POLR1B: variants seen among roughly 807,000 people sequenced by gnomAD.
POLR1B encodes DNA-directed RNA polymerase I subunit RPA2.
In POLR1B, 30 loss-of-function variants were observed where a neutral mutation model predicts 105.8. The ratio of observed to expected loss-of-function variants is 0.28; its 90% CI spans 0.21 to 0.38. POLR1B has a LOEUF of 0.38. Ranked by LOEUF, POLR1B falls within the 10% of genes least tolerant of loss-of-function variation. POLR1B has a pLI of 1.00. For missense variants in POLR1B, 976 were observed against 1,435.8 expected (o/e 0.68, Z 5.17); for synonymous variants, 485 against 505.1 (o/e 0.96, Z 0.53).
chr2:112,558,917 C>A (rs1018836517), intron 8 of POLR1B, among the ~76,000 whole-genome samples: 1 of 141,632 alleles, frequency 7.1e-6, no homozygotes, highest in Non-Finnish European at 1.5e-5. Flanking sequence ...TGTGCCCCGC[C>A]TTTTTTTTTT....
In POLR1B at chr2:112,576,164, A is replaced by C. The variant is rs939098345; in HGVS notation, c.*435A>C. ...CGTTGAAGTAAAAACAAACAGGTAC[A>C]GTGTTTTTTACCAGCTTTATAGAAG... On this transcript the variant is annotated 3_prime_UTR_variant, in exon 15 of 15. Transcript: ENST00000263331. The C allele has an allele frequency of 1.8e-5, 3 of 163,684 alleles. No individual in the cohort carries two copies. Among genetic ancestry groups the C allele is most frequent in the African/African-American group, 7.2e-5 (3 of 41,534 alleles). The allele number at this position is 163,684 out of a possible 1,614,324, so 10.1% of individuals were successfully genotyped here.
Position 112,558,522 on chromosome 2 carries a change from C to T in POLR1B, c.1330+441C>T, listed in dbSNP as rs1046893385. On this transcript the variant is annotated intron_variant, in intron 8 of 14. Coordinates refer to ENST00000263331, the MANE Select transcript of POLR1B (RefSeq NM_019014.6). ...AAGGCTGCAGTGAGCTGTGATTGCA[C>T]CACTGTACTCCAGCCTGGTGACAGA... is the stretch of plus-strand genomic sequence containing the variant. Among the ~76,000 whole-genome samples, 5 of 152,244 alleles carry T rather than the reference C, an allele frequency of 3.3e-5. No individual in the cohort carries two copies. In the East Asian group the frequency reaches 5.8e-4, roughly 18 times the overall value.
At position 112,578,633 on chromosome 2, in the gene POLR1B, G is replaced by C. The variant is rs1684969371; in HGVS notation, c.*2904G>C. ...GGGGCATTAACAATAAAGCTGATCT[G>C]AACAATCAGGTATAATAGTCCCCCT... is the stretch of plus-strand genomic sequence containing the variant. On this transcript the variant is annotated 3_prime_UTR_variant, in exon 15 of 15. Transcript: ENST00000263331. Among the ~76,000 whole-genome samples, 1 of 152,068 alleles carries C rather than the reference G, an allele frequency of 6.6e-6. No individual in the cohort carries two copies. Among genetic ancestry groups the C allele is most frequent in the South Asian group, 2.1e-4 (1 of 4,806 alleles).
chr2:112,571,475 C>T (rs1237098777), intron 12 of POLR1B, among the ~76,000 whole-genome samples: 11 of 152,126 alleles, frequency 7.2e-5, no homozygotes, highest in Admixed American at 7.2e-4. Context: ...GTGCATGTCA[C>T]CAAAAATTCT....
chr2:112,570,591 G>A (rs1684539648), intron 12 of POLR1B, among the ~76,000 whole-genome samples: 1 of 152,178 alleles, frequency 6.6e-6, no homozygotes, highest in Non-Finnish European at 1.5e-5. Context: ...TGGGTGGCAT[G>A]TAACTGTACT....
intron 10 of POLR1B, among the ~76,000 whole-genome samples, chr2:112,567,065 G>A (rs1199868653): frequency 6.6e-6 from 1 of 151,968 alleles, no homozygotes; most frequent in African/African-American, 2.4e-5. Flanking sequence ...AGCATCGGAG[G>A]ATGAGGACAC....
chr2:112,568,220 A>G, intron 11 of POLR1B, 83 bp downstream of exon 11: 1 of 1,357,166 alleles, frequency 7.4e-7, no homozygotes, highest in South Asian at 1.4e-5. Flanking sequence ...TTCCTTTTTT[A>G]AAAGGGTTGT....
rs996825774 is a variant in POLR1B at position 112,576,260 on chromosome 2, A to G, written c.*531A>G. ...ATATGCACACACCTTTGATACCATC[A>G]CCACAATCAGGGTAATAAACATACC... On this transcript the variant is annotated 3_prime_UTR_variant, in exon 15 of 15. Coordinates refer to ENST00000263331, the MANE Select transcript of POLR1B (RefSeq NM_019014.6). The G allele has an allele frequency of 6.6e-6, 1 of 152,622 alleles. No individual in the cohort carries two copies. Among genetic ancestry groups the G allele is most frequent in the African/African-American group, 2.4e-5 (1 of 41,462 alleles). The allele number at this position is 152,622 out of a possible 1,614,324, so 9.5% of individuals were successfully genotyped here.
At chr2:112,561,452 T>C (rs1683979201) in intron 9 of POLR1B, among the ~76,000 whole-genome samples, 1 of 119,916 alleles carries the variant, frequency 8.3e-6, no homozygotes, top group East Asian at 2.3e-4. Context: ...TTATGGTTCA[T>C]GGAAGAGTGT....
rs1329971705 is a variant in POLR1B at position 112,578,425 on chromosome 2, A to G, written c.*2696A>G. On this transcript the variant is annotated 3_prime_UTR_variant, in exon 15 of 15. Transcript: ENST00000263331. The stretch of plus-strand genomic sequence containing the variant: ...TCTTACGTAAATAGGATCACGAAGT[A>G]TAACCTTTGAGAATGGCCTTTTCAC... Among the ~76,000 whole-genome samples the G allele has an allele frequency of 6.6e-6, 1 of 152,226 alleles. No homozygotes were observed. Among genetic ancestry groups the G allele is most frequent in the African/African-American group, 2.4e-5 (1 of 41,458 alleles).
intron 10 of POLR1B, among the ~76,000 whole-genome samples, chr2:112,565,482 A>G (rs1314512405): frequency 6.6e-6 from 1 of 152,218 alleles, no homozygotes; most frequent in Non-Finnish European, 1.5e-5. Context: ...AAATCAGAGA[A>G]GGTCATGTGG....
chr2:112,570,041 A>G (rs189112800), intron 12 of POLR1B, among the ~76,000 whole-genome samples: 105 of 148,148 alleles, frequency 7.1e-4, no homozygotes, highest in Admixed American at 2.8e-3. Flanking sequence ...TATTTTCTTC[A>G]GATTGGATCT....
intron 7 of POLR1B, among the ~76,000 whole-genome samples, chr2:112,554,285 A>G (rs1249427049): frequency 2.0e-5 from 3 of 150,394 alleles, no homozygotes; most frequent in South Asian, 2.1e-4. Flanking sequence ...GGCGCGTGCC[A>G]CCATGCCCGG....
Position 112,557,980 on chromosome 2 carries a change from C to A in POLR1B, c.1229C>A (p.Ser410Tyr). The stretch of plus-strand genomic sequence containing the variant: ...AAGAAGGCTCAGAAGACCAGTGTTT[C>A]CATGAACACTGACAATTTGATGAGG... ...FDKKAQKTSV[S>Y]MNTDNLMRIF... The change falls in exon 8 of 15, where the codon TCC becomes TAC. Residue 410 changes from serine to tyrosine, a missense_variant. Transcript: ENST00000263331. The A allele has an allele frequency of 7.1e-7, 1 of 1,417,556 alleles. No homozygotes were observed. Among genetic ancestry groups the A allele is most frequent in the Non-Finnish European group, 9.3e-7 (1 of 1,070,478 alleles). The allele number at this position is 1,417,556 out of a possible 1,614,324, so 87.8% of individuals were successfully genotyped here. A position where few individuals can be genotyped will look rare whatever the true frequency, so the allele number is the denominator to read the frequency against.
upstream of POLR1B, chr2:112,542,376 G>C (rs1239519929): frequency 6.2e-7 from 1 of 1,601,666 alleles, no homozygotes; most frequent in South Asian, 1.1e-5. Flanking sequence ...GGAACGAGAG[G>C]GAACTACATT....
chr2:112,553,928 A>C (rs1200996635), intron 7 of POLR1B, among the ~76,000 whole-genome samples: 1 of 152,228 alleles, frequency 6.6e-6, no homozygotes, highest in Admixed American at 6.5e-5. Context: ...AAATGATTTC[A>C]TAAGAATATT....
intron 7 of POLR1B, among the ~76,000 whole-genome samples, chr2:112,555,479 C>T (rs933410942): frequency 1.3e-5 from 2 of 152,134 alleles, no homozygotes; most frequent in African/African-American, 4.8e-5. Flanking sequence ...AAAACTTCGT[C>T]TCTACAAATA....
intron 1 of POLR1B, 179 bp from the exon 2 acceptor site, chr2:112,546,833 G>T: frequency 1.8e-6 from 1 of 547,376 alleles, no homozygotes; most frequent in South Asian, 2.2e-5. Flanking sequence ...AAAGTGCTGA[G>T]ATTACAGGCG....
At chr2:112,558,890 A>T (rs1683811568) in intron 8 of POLR1B, among the ~76,000 whole-genome samples, 2 of 147,326 alleles carry the variant, frequency 1.4e-5, no homozygotes, top group Admixed American at 6.8e-5. Flanking sequence ...AAGTGCTGGG[A>T]TTATAGCATG....
Sources: allele counts gnomAD v4.1 joint callset (sites outside exome capture counted in the v4.1 genomes callset), GRCh38; gene constraint gnomAD v4.1.1; transcripts MANE v1.5; gene names NCBI Gene and HGNC (gene_info 2026-07-23, HGNC 2026-07-21).